Variants in AUTS2 observed in about 807,000 individuals in gnomAD.
AUTS2 encodes activator of transcription and developmental regulator AUTS2, also known as autism susceptibility gene 2 protein.
A neutral mutation model predicts 112.4 loss-of-function variants in AUTS2; 17 were observed. The observed-to-expected ratio is 0.15, with a 90% CI of 0.10 to 0.23. AUTS2 has a LOEUF of 0.23. AUTS2 is among the 10% of genes least tolerant of loss of function. AUTS2 has a pLI of 1.00. For missense variants in AUTS2, 1,510 were observed against 1,701.6 expected (o/e 0.89, Z 1.98); for synonymous variants, 751 against 702.7 (o/e 1.07, Z -1.09).
intron 2 of AUTS2, among the ~76,000 whole-genome samples, chr7:69,999,832 T>G (rs1799106925): frequency 6.6e-6 from 1 of 152,126 alleles, no homozygotes; most frequent in African/African-American, 2.4e-5. Flanking sequence ...AAATCTTGCT[T>G]GTGGAAGTGG....
At chr7:70,718,133 C>T (rs1272646335) in intron 6 of AUTS2, among the ~76,000 whole-genome samples, 1 of 152,204 alleles carries the variant, frequency 6.6e-6, no homozygotes, top group South Asian at 2.1e-4. Flanking sequence ...CCCACCCCAT[C>T]AGGTGGGCCT....
intron 10 of AUTS2, among the ~76,000 whole-genome samples, chr7:70,769,339 C>T (rs570521841): frequency 1.3e-5 from 2 of 152,292 alleles, no homozygotes; most frequent in East Asian, 3.9e-4. Context: ...CCATGGATGC[C>T]ACCATTCTGC....
At chr7:70,576,074 C>T (rs1802151490) in intron 5 of AUTS2, among the ~76,000 whole-genome samples, 1 of 152,134 alleles carries the variant, frequency 6.6e-6, no homozygotes, top group African/African-American at 2.4e-5. Flanking sequence ...GTCTTGGAAT[C>T]CATTTCCCTA....
At chr7:70,462,157 C>T (rs1035430544) in intron 5 of AUTS2, among the ~76,000 whole-genome samples, 3 of 151,898 alleles carry the variant, frequency 2.0e-5, no homozygotes, top group African/African-American at 7.3e-5. Context: ...GAGGCTGAGG[C>T]GGGAGAATCA....
intron 4 of AUTS2, among the ~76,000 whole-genome samples, chr7:70,358,928 G>A (rs142075804): frequency 1.3e-5 from 2 of 152,338 alleles, no homozygotes; most frequent in East Asian, 1.9e-4. Context: ...CAGTGTCTGC[G>A]GACACAAGGT....
chr7:70,316,521 A>C (rs1032775898), intron 4 of AUTS2, among the ~76,000 whole-genome samples: 9 of 149,580 alleles, frequency 6.0e-5, no homozygotes, highest in African/African-American at 2.2e-4. Context: ...CTCCTGCCTC[A>C]GCCACCCGAG....
chr7:70,022,871 A>T lies in AUTS2; in HGVS notation c.523-95261A>T, dbSNP rs200887389. 3.4e-5 allele frequency among the ~76,000 whole-genome samples: 5 copies of T among 145,242 alleles called. No individual in the cohort carries two copies. The South Asian group carries it at 8.9e-4, about 26-fold the overall frequency. On this transcript the variant is annotated intron_variant, in intron 2 of 18. Transcript: ENST00000342771. ...TTGAATTAAATTAATTTTTTTTTTT[A>T]AATAAGGTCTTGCTTTCTCGCCCAG...
At chr7:70,580,266 A>G in intron 5 of AUTS2, among the ~76,000 whole-genome samples, 1 of 152,298 alleles carries the variant, frequency 6.6e-6, no homozygotes, top group Admixed American at 6.5e-5. Flanking sequence ...AGCTATGCAC[A>G]TGTGCCCTGC....
chr7:70,481,716 A>T (rs1299996861), intron 5 of AUTS2, among the ~76,000 whole-genome samples: 2 of 152,218 alleles, frequency 1.3e-5, no homozygotes, highest in African/African-American at 4.8e-5. Flanking sequence ...GGGCTGGGGA[A>T]TCTAATAGGA....
At chr7:70,681,805 C>T (rs932740643) in intron 5 of AUTS2, among the ~76,000 whole-genome samples, 1 of 152,142 alleles carries the variant, frequency 6.6e-6, no homozygotes, top group Non-Finnish European at 1.5e-5. Flanking sequence ...ACGGGGGCTC[C>T]ACCTCCTCTC....
intron 5 of AUTS2, among the ~76,000 whole-genome samples, chr7:70,664,768 T>C (rs1807242469): frequency 6.6e-6 from 1 of 152,064 alleles, no homozygotes; most frequent in Admixed American, 6.5e-5. Context: ...CACATTGAAC[T>C]CCTTGAAATT....
chr7:70,613,114 G>A (rs1278220054), intron 5 of AUTS2, among the ~76,000 whole-genome samples: 3 of 152,030 alleles, frequency 2.0e-5, no homozygotes, highest in Admixed American at 6.6e-5. Flanking sequence ...TATCATTAGC[G>A]GCCTCTTTCA....
intron 4 of AUTS2, among the ~76,000 whole-genome samples, chr7:70,243,540 A>G (rs1812741521): frequency 6.6e-6 from 1 of 152,094 alleles, no homozygotes; most frequent in Non-Finnish European, 1.5e-5. Context: ...TTTACTATGT[A>G]CCTTATAACA....
At chr7:70,779,524 G>C (rs1339622577) in intron 14 of AUTS2, among the ~76,000 whole-genome samples, 1 of 152,218 alleles carries the variant, frequency 6.6e-6, no homozygotes, top group Non-Finnish European at 1.5e-5. Context: ...GCTTTCAGTA[G>C]GGGTGATGGG....
chr7:70,675,295 C>A (rs1471426144), intron 5 of AUTS2, among the ~76,000 whole-genome samples: 1 of 152,084 alleles, frequency 6.6e-6, no homozygotes, highest in Admixed American at 6.5e-5. Flanking sequence ...GAGTTTGAGA[C>A]CAGCCTGGCC....
At chr7:69,740,462 A>G (rs1372822560) in intron 1 of AUTS2, among the ~76,000 whole-genome samples, 1 of 152,208 alleles carries the variant, frequency 6.6e-6, no homozygotes, top group East Asian at 1.9e-4. Context: ...AAAGAAAGGA[A>G]GACACAATTG....
chr7:70,779,253 G>A (rs1328855284), intron 14 of AUTS2, among the ~76,000 whole-genome samples: 2 of 152,190 alleles, frequency 1.3e-5, no homozygotes, highest in African/African-American at 2.4e-5. Context: ...AGCATTCCCT[G>A]TAGATTTGAG....
intron 2 of AUTS2, among the ~76,000 whole-genome samples, chr7:70,057,522 G>A (rs1256875503): frequency 6.6e-6 from 1 of 152,160 alleles, no homozygotes; most frequent in Non-Finnish European, 1.5e-5. Flanking sequence ...AATGGTCACT[G>A]TTACAGGTAT....
intron 2 of AUTS2, among the ~76,000 whole-genome samples, chr7:70,041,989 C>G (rs1801268645): frequency 6.6e-6 from 1 of 151,992 alleles, no homozygotes; most frequent in African/African-American, 2.4e-5. Flanking sequence ...TTGTAATTTT[C>G]TGTTAGAAAT....
Sources: allele counts gnomAD v4.1 joint callset (sites outside exome capture counted in the v4.1 genomes callset), GRCh38; gene constraint gnomAD v4.1.1; transcripts MANE v1.5; gene names NCBI Gene and HGNC (gene_info 2026-07-23, HGNC 2026-07-21).